Variants in ERBB4 observed in about 807,000 individuals in gnomAD.
The protein encoded by ERBB4 is erb-b2 receptor tyrosine kinase 4.
ERBB4 carries 42 observed loss-of-function variants against 158.0 expected under a neutral mutation model. The observed-to-expected ratio is 0.27, with a 90% CI of 0.21 to 0.34. The LOEUF is 0.34. Among genes scored for constraint, ERBB4 ranks in the 10% least tolerant of loss-of-function variants. The pLI is 1.00. For missense variants in ERBB4, 1,333 were observed against 1,624.1 expected, an observed-to-expected ratio of 0.82 and a Z score of 3.08; for synonymous variants, 583 against 558.7, an observed-to-expected ratio of 1.04 and a Z score of -0.61.
At chr2:211,787,739 T>G (rs1302768241) in intron 4 of ERBB4, among the ~76,000 whole-genome samples, 2 of 152,150 alleles carry the variant, frequency 1.3e-5, no homozygotes, top group Non-Finnish European at 2.9e-5. Context: ...AGTTTGTGGA[T>G]AGTGGAACAC....
chr2:211,689,293 C>A (rs1052707747), intron 12 of ERBB4, among the ~76,000 whole-genome samples: 19 of 152,212 alleles, frequency 1.2e-4, no homozygotes, highest in African/African-American at 4.6e-4. Context: ...CTCCTGCGCT[C>A]AAGTGATCCT....
intron 1 of ERBB4, among the ~76,000 whole-genome samples, chr2:212,406,057 C>G (rs945877534): frequency 6.6e-6 from 1 of 152,098 alleles, no homozygotes. Flanking sequence ...ACCTCCTAAA[C>G]CTACATTTCA....
intron 2 of ERBB4, among the ~76,000 whole-genome samples, chr2:211,963,468 T>A (rs1009497490): frequency 2.0e-5 from 3 of 152,246 alleles, no homozygotes; most frequent in Middle Eastern, 6.8e-3. Flanking sequence ...CCATAAAATA[T>A]GTATACATTA....
At chr2:211,881,785 T>G (rs2106151747) in intron 3 of ERBB4, among the ~76,000 whole-genome samples, 1 of 152,258 alleles carries the variant, frequency 6.6e-6, no homozygotes, top group African/African-American at 2.4e-5. Flanking sequence ...ATTCTCCTTC[T>G]TTTGTCTATT....
chr2:212,167,206 T>C (rs2081372859), intron 1 of ERBB4, among the ~76,000 whole-genome samples: 1 of 152,134 alleles, frequency 6.6e-6, no homozygotes, highest in Non-Finnish European at 1.5e-5. Context: ...GACAAAGGTC[T>C]AATATCCAGA....
At chr2:211,978,490 C>G (rs2081696312) in intron 2 of ERBB4, among the ~76,000 whole-genome samples, 1 of 151,898 alleles carries the variant, frequency 6.6e-6, no homozygotes, top group South Asian at 2.1e-4. Context: ...AGTGCAGAGG[C>G]TTGATCATCA....
At chr2:212,168,744 C>T (rs538658427) in intron 1 of ERBB4, among the ~76,000 whole-genome samples, 1 of 152,230 alleles carries the variant, frequency 6.6e-6, no homozygotes, top group African/African-American at 2.4e-5. Flanking sequence ...AAATAAAGGA[C>T]ATTCAGGTAA....
chr2:212,466,159 C>G (rs1688823817), intron 1 of ERBB4, among the ~76,000 whole-genome samples: 1 of 152,192 alleles, frequency 6.6e-6, no homozygotes. Flanking sequence ...ATAATTCCAA[C>G]AGTAGTGACT....
chr2:212,443,208 C>T (rs1477088603), intron 1 of ERBB4, among the ~76,000 whole-genome samples: 2 of 152,222 alleles, frequency 1.3e-5, no homozygotes, highest in Non-Finnish European at 2.9e-5. Context: ...CGCTTTGTGT[C>T]ATAATCTTAT....
chr2:212,071,648 C>T (rs1237393829), intron 2 of ERBB4, among the ~76,000 whole-genome samples: 1 of 151,908 alleles, frequency 6.6e-6, no homozygotes, highest in Admixed American at 6.6e-5. Context: ...AGAAAGAATA[C>T]TTTAACAACA....
intron 1 of ERBB4, among the ~76,000 whole-genome samples, chr2:212,530,714 T>TA (rs1692709193): frequency 6.6e-6 from 1 of 152,164 alleles, no homozygotes; most frequent in South Asian, 2.1e-4. Flanking sequence ...AGCAGGTTTA[T>TA]GATCCCCACT....
At chr2:212,147,386 C>T (rs1027626831) in intron 1 of ERBB4, among the ~76,000 whole-genome samples, 2 of 151,442 alleles carry the variant, frequency 1.3e-5, no homozygotes, top group East Asian at 1.9e-4. Context: ...AGATTTAATC[C>T]AGCATCATTT....
chr2:212,468,428 G>T (rs1688950930), intron 1 of ERBB4, among the ~76,000 whole-genome samples: 1 of 152,044 alleles, frequency 6.6e-6, no homozygotes, highest in Admixed American at 6.6e-5. Context: ...ACAGCAAATG[G>T]GTCTCACACA....
At chr2:212,141,755 C>G (rs1370960989) in intron 1 of ERBB4, among the ~76,000 whole-genome samples, 1 of 152,094 alleles carries the variant, frequency 6.6e-6, no homozygotes, top group Non-Finnish European at 1.5e-5. Flanking sequence ...CTTGCTATCT[C>G]TATTTCAAGC....
intron 11 of ERBB4, 91 bp downstream of exon 11, chr2:211,704,013 A>G: frequency 1.2e-6 from 1 of 819,308 alleles, no homozygotes; most frequent in East Asian, 2.4e-5. Flanking sequence ...CAGAATCAGT[A>G]AATCAATAAG....
intron 12 of ERBB4, among the ~76,000 whole-genome samples, chr2:211,698,581 G>T (rs910666255): frequency 6.6e-6 from 1 of 151,142 alleles, no homozygotes; most frequent in Non-Finnish European, 1.5e-5. Context: ...CAATGAGAAA[G>T]GTACTATTAA....
chr2:212,133,396 G>GTTTTTT (rs575131971), intron 1 of ERBB4, among the ~76,000 whole-genome samples: 6 of 137,138 alleles, frequency 4.4e-5, no homozygotes, highest in African/African-American at 1.8e-4. Flanking sequence ...TCATTTTGGT[G>GTTTTTT]TTTTTTTTTT....
Position 211,950,658 on chromosome 2 carries a change from G to A in ERBB4, c.235-3042C>T, listed in dbSNP as rs140559737. Among the ~76,000 whole-genome samples the A allele has an allele frequency of 1.6e-4, 24 of 152,184 alleles. No homozygotes were observed. The East Asian group carries it at 4.6e-3, about 29-fold the overall frequency. Reference sequence around the variant, plus strand: ...ATGGAGCAAAAGTGGAGAGGAATAGGAAAGGGATATATGGAATTACTCATA... The same window carrying A: ...ATGGAGCAAAAGTGGAGAGGAATAGAAAAGGGATATATGGAATTACTCATA... On this transcript the variant is annotated intron_variant, in intron 2 of 27. Transcript: ENST00000342788.
chr2:211,677,901 TAA>T (rs2072150322), intron 13 of ERBB4, among the ~76,000 whole-genome samples: 1 of 151,542 alleles, frequency 6.6e-6, no homozygotes, highest in Non-Finnish European at 1.5e-5. Flanking sequence ...AAAATAAAAA[TAA>T]AAATAAAGAA....
Sources: gnomAD v4.1 joint callset for allele counts (sites outside exome capture counted in the v4.1 genomes callset) on GRCh38, gnomAD v4.1.1 for gene constraint, MANE v1.5 for transcripts, NCBI Gene and HGNC (gene_info 2026-07-23, HGNC 2026-07-21) for gene names.